ZBTB1: variants seen among roughly 807,000 people sequenced by gnomAD.
The protein encoded by ZBTB1 is zinc finger and BTB domain containing 1.
ZBTB1 carries 13 observed loss-of-function variants against 51.6 expected under a neutral mutation model. The ratio of observed to expected loss-of-function variants is 0.25; its 90% CI spans 0.16 to 0.40. ZBTB1 has a LOEUF of 0.40. Among genes scored for constraint, ZBTB1 ranks in the 10% least tolerant of loss-of-function variants. The pLI is 1.00. For synonymous variants in ZBTB1, 240 were observed against 282.2 expected (o/e 0.85, Z 1.50); for missense variants, 567 against 856.5 (o/e 0.66, Z 4.22).
chr14:64,507,347 C>T (rs1263864266), intron 1 of ZBTB1, among the ~76,000 whole-genome samples: 1 of 152,116 alleles, frequency 6.6e-6, no homozygotes, highest in Non-Finnish European at 1.5e-5. Flanking sequence ...TTAAGGGTTA[C>T]TCGTGTCTAT....
rs1359724703 is a variant in ZBTB1 at position 64,524,617 on chromosome 14, A to G, written c.*971A>G. On this transcript the variant is annotated 3_prime_UTR_variant, in exon 2 of 2. Coordinates refer to ENST00000683701, the MANE Select transcript of ZBTB1 (RefSeq NM_001123329.2). Reference sequence around the variant, plus strand: ...AGAAAGCTTCCATGTATATTGATAAATCTAATAAAATAAAGAGATCAATTA... The same window carrying G: ...AGAAAGCTTCCATGTATATTGATAAGTCTAATAAAATAAAGAGATCAATTA... 3.1e-6 allele frequency: 3 copies of G among 981,856 alleles called. No homozygotes were observed. In the East Asian group the frequency reaches 3.4e-4, roughly 112 times the overall value. 60.8% of individuals were successfully genotyped at this position (981,856 alleles called of 1,614,324 possible).
rs546959591 is a variant in ZBTB1 at position 64,530,748 on chromosome 14, T to C, written c.1899-1113T>C. On this transcript the variant is annotated intron_variant, in intron 2 of 2. Coordinates refer to the ZBTB1 transcript ENST00000358738. Reference sequence around the variant, plus strand: ...GGAGAACCAAATCACTGAAGTCAATTAGTAGTGTCAAAATTGCTCATTCTT... The same window carrying C: ...GGAGAACCAAATCACTGAAGTCAATCAGTAGTGTCAAAATTGCTCATTCTT... 1.5e-3 allele frequency among the ~76,000 whole-genome samples: 227 copies of C among 152,312 alleles called. 1 individual carries two copies. The highest frequency in any genetic ancestry group is 5.2e-3 in the African/African-American group (217 of 41,554).
intron 1 of ZBTB1, among the ~76,000 whole-genome samples, chr14:64,520,941 A>G (rs1858601881): frequency 6.6e-6 from 1 of 151,654 alleles, no homozygotes; most frequent in South Asian, 2.1e-4. Flanking sequence ...AACTCACTAC[A>G]GCCTCTACCT....
rs2079881782 is a variant in ZBTB1, at chr14:64,523,761, G to C, written c.*115G>C. The C allele has an allele frequency of 1.6e-5, 22 of 1,359,580 alleles. No individual in the cohort carries two copies. Among genetic ancestry groups the C allele is most frequent in the Admixed American group, 3.5e-5 (1 of 28,764 alleles). The allele number at this position is 1,359,580 out of a possible 1,614,324, so 84.2% of individuals were successfully genotyped here. A position where few individuals can be genotyped will look rare whatever the true frequency, so the allele number is the denominator to read the frequency against. ...TGATTTGTTAGAAACAAATTTCAAGGCCCTTTTAACTTTAATATTTTTGTT... is the reference window on the plus strand; with the variant it reads ...TGATTTGTTAGAAACAAATTTCAAGCCCCTTTTAACTTTAATATTTTTGTT... On this transcript the variant is annotated 3_prime_UTR_variant, in exon 2 of 2. Transcript: ENST00000683701. The surrounding 1 kb of genome is among the most constrained non-coding windows in gnomAD (Gnocchi z 4.5).
At chr14:64,510,003 G>C (rs2079708355) in intron 1 of ZBTB1, among the ~76,000 whole-genome samples, 1 of 151,588 alleles carries the variant, frequency 6.6e-6, no homozygotes, top group Non-Finnish European at 1.5e-5. Context: ...AAAAGTGTAG[G>C]ATCTGCTCAA....
chr14:64,531,928 GA>G, exon 3 of ZBTB1: 1 of 1,612,586 alleles, frequency 6.2e-7, no homozygotes, highest in Non-Finnish European at 8.5e-7. Flanking sequence ...ACATGGGGAA[GA>G]ATCAATCTTC....
rs775384895 is a variant in ZBTB1, at chr14:64,522,417, A to G, written c.913A>G (p.Ser305Gly). 6.2e-7 allele frequency: 1 copy of G among 1,614,082 alleles called. No homozygotes were observed. The highest frequency in any genetic ancestry group is 2.2e-5 in the East Asian group (1 of 44,888). Residue 305 changes from serine to glycine, a missense_variant, in exon 2 of 2, where the codon AGC becomes GGC. Physicochemically the swap from Ser to Gly is moderately conservative, Grantham distance 56. Transcript: ENST00000683701. ...SASTTGSRKS[S>G]TVESEIASEE... ...TTCAACCACTGGAAGCAGAAAAAGT[A>G]GCACAGTGGAGTCTGAAATAGCAAG...
intron 2 of ZBTB1, among the ~76,000 whole-genome samples, chr14:64,530,753 G>A (rs1416357385): frequency 3.3e-5 from 5 of 152,156 alleles, no homozygotes; most frequent in Non-Finnish European, 5.9e-5. Flanking sequence ...TCAATTAGTA[G>A]TGTCAAAATT....
At chr14:64,507,963 G>A (rs61985705) in intron 1 of ZBTB1, among the ~76,000 whole-genome samples, 15 of 152,232 alleles carry the variant, frequency 9.9e-5, no homozygotes, top group Non-Finnish European at 1.5e-4. Flanking sequence ...ATTGCATGCT[G>A]AACATATGGA....
Position 64,522,018 on chromosome 14 carries a change from A to T in ZBTB1, c.514A>T (p.Asn172Tyr), listed in dbSNP as rs1404708179. The change falls in exon 2 of 2, where the codon AAT becomes TAT. Residue 172 changes from asparagine (N) to tyrosine (Y), a missense_variant. This residue lies in a region of ZBTB1 where 74 missense variants were observed against 74.9 expected (regional missense o/e 0.99). Transcript: ENST00000683701. ...AAGTTCAACGGTAAATACACCACATAATAGAGAGGCTGATGAAGAGTCTTT... is the reference window on the plus strand; with the variant it reads ...AAGTTCAACGGTAAATACACCACATTATAGAGAGGCTGATGAAGAGTCTTT... The part of the protein sequence containing the change: ...EPSSTVNTPH[N>Y]READEESLQL... The T allele has an allele frequency of 6.2e-7, 1 of 1,614,256 alleles. No homozygotes were observed. Among genetic ancestry groups the T allele is most frequent in the Admixed American group, 1.7e-5 (1 of 60,028 alleles).
At chr14:64,526,318 C>T (rs1423985078), downstream of ZBTB1, among the ~76,000 whole-genome samples, 2 of 152,214 alleles carry the variant, frequency 1.3e-5, no homozygotes, top group African/African-American at 4.8e-5. Flanking sequence ...CCTAATATCT[C>T]CTTCCTCTCC....
upstream of ZBTB1, chr14:64,504,615 C>G: frequency 3.4e-6 from 1 of 296,752 alleles, no homozygotes; most frequent in Non-Finnish European, 6.2e-6. Flanking sequence ...GCGGGTGCCC[C>G]TAGCAGCCAG....
chr14:64,512,032 T>C (rs1431882447), intron 1 of ZBTB1, among the ~76,000 whole-genome samples: 1 of 152,252 alleles, frequency 6.6e-6, no homozygotes, highest in African/African-American at 2.4e-5. Context: ...GTTTGCTTTT[T>C]GATCTATAAA....
intron 1 of ZBTB1, among the ~76,000 whole-genome samples, chr14:64,512,685 C>T (rs983589252): frequency 1.8e-4 from 28 of 152,166 alleles, no homozygotes; most frequent in African/African-American, 6.3e-4. Context: ...TGCACAGCCA[C>T]CAGTGCAGAT....
downstream of ZBTB1, among the ~76,000 whole-genome samples, chr14:64,529,920 T>C (rs1162889046): frequency 6.6e-6 from 1 of 152,228 alleles, no homozygotes; most frequent in African/African-American, 2.4e-5. Context: ...TAGCCACTTA[T>C]AATTCAATTT....
Position 64,521,641 on chromosome 14 carries a change from G to C in ZBTB1, c.137G>C (p.Ser46Thr). ...QAHKAVLAACSSYFRMFFMNH... is the reference protein window; with the variant it reads ...QAHKAVLAACTSYFRMFFMNH... ...CACAAGGCAGTTCTAGCTGCCTGTA[G>C]CTCCTATTTTAGAATGTTTTTCATG... The change falls in exon 2 of 2, where the codon AGC becomes ACC. Residue 46 changes from serine to threonine, a missense_variant. Physicochemically the swap from Ser to Thr is moderately conservative, Grantham distance 58. Coordinates refer to ENST00000683701, the MANE Select transcript of ZBTB1 (RefSeq NM_001123329.2). 1 of 1,614,196 alleles carries C rather than the reference G, an allele frequency of 6.2e-7. No homozygotes were observed. Among genetic ancestry groups the C allele is most frequent in the Non-Finnish European group, 8.5e-7 (1 of 1,180,046 alleles).
chr14:64,513,811 C>T (rs957965589), intron 1 of ZBTB1, among the ~76,000 whole-genome samples: 4 of 152,206 alleles, frequency 2.6e-5, no homozygotes, highest in African/African-American at 9.7e-5. Flanking sequence ...CAGGCATCCA[C>T]TATCATGCCC....
intron 1 of ZBTB1, among the ~76,000 whole-genome samples, chr14:64,515,858 G>A (rs897861521): frequency 1.3e-5 from 2 of 152,122 alleles, no homozygotes; most frequent in African/African-American, 4.8e-5. Context: ...CAAGAGATAA[G>A]CTAAAAGTCT....
chr14:64,504,541 G>C (rs919041513), upstream of ZBTB1: 4 of 179,458 alleles, frequency 2.2e-5, no homozygotes, highest in African/African-American at 4.7e-5. Context: ...CGGCCCCCGC[G>C]GTGCGGGTTG....
Sources: gnomAD v4.1 joint callset for allele counts (sites outside exome capture counted in the v4.1 genomes callset) on GRCh38, gnomAD v4.1.1 for gene constraint, gnomAD v4.1.1 regional missense constraint, Gnocchi (gnomAD v3.1) non-coding constraint, MANE v1.5 for transcripts, NCBI Gene and HGNC (gene_info 2026-07-23, HGNC 2026-07-21) for gene names.